FHIT: variants seen among roughly 807,000 people sequenced by gnomAD.
FHIT encodes bis(5'-adenosyl)-triphosphatase.
In FHIT, 19 loss-of-function variants were observed where a neutral mutation model predicts 17.9. That is an observed-to-expected ratio of 1.06 (90% CI 0.74 to 1.56). The LOEUF (loss-of-function observed/expected upper bound fraction) is 1.56, where lower values mean the gene tolerates loss of function less well. Ranked by LOEUF, FHIT falls within the 40% of genes most tolerant of loss-of-function variation. The pLI is 0.00. For missense variants in FHIT, 248 were observed against 189.2 expected (o/e 1.31, Z -1.82); for synonymous variants, 81 against 69.7 (o/e 1.16, Z -0.81).
chr3:59,753,145 T>G (rs902565290), intron 8 of FHIT, among the ~76,000 whole-genome samples: 1 of 152,168 alleles, frequency 6.6e-6, no homozygotes, highest in African/African-American at 2.4e-5. Context: ...TTAGACTCTC[T>G]TGCATGAGCT....
At chr3:60,290,505 C>A (rs1260907403) in intron 5 of FHIT, among the ~76,000 whole-genome samples, 3 of 152,018 alleles carry the variant, frequency 2.0e-5, no homozygotes, top group African/African-American at 7.2e-5. Flanking sequence ...CCTAGAAGAA[C>A]TGAGTCCTGC....
intron 5 of FHIT, among the ~76,000 whole-genome samples, chr3:60,148,556 T>G (rs993275623): frequency 1.3e-5 from 2 of 152,198 alleles, no homozygotes; most frequent in Non-Finnish European, 2.9e-5. Context: ...ATTAGTTGGA[T>G]AGATGTGTTA....
chr3:60,611,054 C>T (rs2038770684), intron 4 of FHIT, among the ~76,000 whole-genome samples: 1 of 152,180 alleles, frequency 6.6e-6, no homozygotes, highest in African/African-American at 2.4e-5. Context: ...AGGCTCTAGC[C>T]AAGGGGTCCA....
At chr3:60,553,258 CAGTT>C (rs1015995225) in intron 4 of FHIT, 5 of 222,710 alleles carry the variant, frequency 2.2e-5, no homozygotes, top group Admixed American at 1.3e-4. Context: ...TTTTTTTAAT[CAGTT>C]AGCCTATGGT....
chr3:60,190,898 G>A (rs1214847274), intron 5 of FHIT, among the ~76,000 whole-genome samples: 1 of 151,966 alleles, frequency 6.6e-6, no homozygotes, highest in East Asian at 1.9e-4. Context: ...AGCCGAGATT[G>A]CACCCTTGCA....
At chr3:60,023,089 A>C (rs1162257087) in intron 5 of FHIT, among the ~76,000 whole-genome samples, 2 of 152,260 alleles carry the variant, frequency 1.3e-5, no homozygotes, top group Non-Finnish European at 2.9e-5. Flanking sequence ...AAATGCTCTT[A>C]GGAGTTAAGA....
chr3:60,587,479 C>G (rs1041431487), intron 4 of FHIT, among the ~76,000 whole-genome samples: 1 of 151,934 alleles, frequency 6.6e-6, no homozygotes, highest in Admixed American at 6.6e-5. Flanking sequence ...TGTAACAAAC[C>G]TGCTTGTTCT....
intron 4 of FHIT, among the ~76,000 whole-genome samples, chr3:60,551,247 G>C (rs1274122210): frequency 6.6e-6 from 1 of 151,352 alleles, no homozygotes; most frequent in African/African-American, 2.4e-5. Flanking sequence ...CACTTAATGA[G>C]AAACTCGTGA....
chr3:61,001,291 G>A (rs1208249159), intron 3 of FHIT, among the ~76,000 whole-genome samples: 1 of 152,148 alleles, frequency 6.6e-6, no homozygotes, highest in African/African-American at 2.4e-5. Flanking sequence ...ATATTACCCA[G>A]AAGTGGCACT....
chr3:60,122,474 T>G (rs778753700), intron 5 of FHIT, among the ~76,000 whole-genome samples: 1 of 152,160 alleles, frequency 6.6e-6, no homozygotes, highest in Admixed American at 6.5e-5. Context: ...CATGAACGTC[T>G]TGGAACTCGA....
At chr3:60,219,207 C>T (rs1703843897) in intron 5 of FHIT, among the ~76,000 whole-genome samples, 1 of 152,068 alleles carries the variant, frequency 6.6e-6, no homozygotes, top group Non-Finnish European at 1.5e-5. Context: ...ATTTTTCTGG[C>T]AAATTCTGGG....
intron 3 of FHIT, among the ~76,000 whole-genome samples, chr3:60,953,494 A>G (rs1708980406): frequency 6.6e-6 from 1 of 152,186 alleles, no homozygotes; most frequent in African/African-American, 2.4e-5. Flanking sequence ...GAAGGGAGGG[A>G]AAAATCACAC....
intron 5 of FHIT, among the ~76,000 whole-genome samples, chr3:60,276,396 A>C (rs1263179439): frequency 6.6e-6 from 1 of 152,130 alleles, no homozygotes; most frequent in Non-Finnish European, 1.5e-5. Flanking sequence ...GCATTCACAC[A>C]AGCGTTTTTC....
chr3:60,007,858 T>C (rs980144326), intron 7 of FHIT, among the ~76,000 whole-genome samples: 6 of 152,152 alleles, frequency 3.9e-5, no homozygotes, highest in Non-Finnish European at 7.4e-5. Context: ...TATGACCTAC[T>C]TGCATGGGTG....
intron 5 of FHIT, among the ~76,000 whole-genome samples, chr3:60,515,771 A>G (rs1237040240): frequency 6.6e-6 from 1 of 152,150 alleles, no homozygotes; most frequent in Admixed American, 6.5e-5. Context: ...TGATCCTCAC[A>G]ACAATTCCGC....
intron 3 of FHIT, among the ~76,000 whole-genome samples, chr3:60,888,960 AAT>A (rs1559803269): frequency 6.6e-6 from 1 of 152,180 alleles, no homozygotes; most frequent in Non-Finnish European, 1.5e-5. Flanking sequence ...TCAAAGAATA[AAT>A]ATGCCAGTAT....
At chr3:61,233,270 C>T (rs1256142458) in intron 1 of FHIT, among the ~76,000 whole-genome samples, 2 of 151,674 alleles carry the variant, frequency 1.3e-5, no homozygotes, top group African/African-American at 2.4e-5. Flanking sequence ...ACATTCACTG[C>T]AGAATTATTT....
At chr3:59,832,071 C>G (rs1701183814) in intron 8 of FHIT, among the ~76,000 whole-genome samples, 1 of 152,120 alleles carries the variant, frequency 6.6e-6, no homozygotes, top group African/African-American at 2.4e-5. Flanking sequence ...TCCACTTGCC[C>G]CCCCATGATG....
chr3:60,150,888 C>G (rs1700435404), intron 5 of FHIT, among the ~76,000 whole-genome samples: 1 of 149,630 alleles, frequency 6.7e-6, no homozygotes, highest in South Asian at 2.1e-4. Flanking sequence ...CACTGCACTA[C>G]AGCCTGGGTG....
Sources: allele counts gnomAD v4.1 joint callset (sites outside exome capture counted in the v4.1 genomes callset), GRCh38; gene constraint gnomAD v4.1.1; transcripts MANE v1.5; gene names NCBI Gene and HGNC (gene_info 2026-07-23, HGNC 2026-07-21).